Variants in GPHN observed in about 807,000 individuals in gnomAD.
GPHN encodes the protein gephyrin.
A neutral mutation model predicts 95.5 loss-of-function variants in GPHN; 17 were observed. That is an observed-to-expected ratio of 0.18 (90% CI 0.12 to 0.27). The LOEUF (loss-of-function observed/expected upper bound fraction) is 0.27. GPHN is among the 10% of genes least tolerant of loss of function. The pLI, the probability that GPHN is intolerant of heterozygous loss-of-function variation, is 1.00. For synonymous variants in GPHN, 320 were observed against 322.5 expected, an observed-to-expected ratio of 0.99 and a Z score of 0.08; for missense variants, 660 against 978.1, an observed-to-expected ratio of 0.67 and a Z score of 4.34.
chr14:66,714,064 A>G (rs1475241499), intron 2 of GPHN, among the ~76,000 whole-genome samples: 1 of 152,030 alleles, frequency 6.6e-6, no homozygotes, highest in African/African-American at 2.4e-5. Context: ...CCACCATGCC[A>G]GGCCCAGTAT....
chr14:67,264,449 G>T, the GPHN span, among the ~76,000 whole-genome samples: 1 of 146,652 alleles, frequency 6.8e-6, no homozygotes, highest in Non-Finnish European at 1.5e-5. Flanking sequence ...TCATTGGCCA[G>T]ACCCATGTTG....
chr14:67,320,105 C>G, the GPHN span: 1 of 708,610 alleles, frequency 1.4e-6, no homozygotes, highest in Non-Finnish European at 2.2e-6. Context: ...TCATGATACC[C>G]TAGCAAGGAT....
rs993049335 is a variant in GPHN at position 66,546,291 on chromosome 14, G to A, written c.64+37700G>A. 3.7e-3 allele frequency among the ~76,000 whole-genome samples: 555 copies of A among 151,720 alleles called. 12 individuals are homozygous for A. Among genetic ancestry groups the A allele is most frequent in the African/African-American group, 0.013 (527 of 41,370 alleles). On this transcript the variant is annotated intron_variant, in intron 1 of 22. Coordinates refer to ENST00000478722, the MANE Select transcript of GPHN (RefSeq NM_020806.5). ...AGACGCTCCTCACTTTCCAGACTGG[G>A]CAGCCAGGCAGAGGGGCTCCTCACG... is the stretch of plus-strand genomic sequence containing the variant.
At chr14:67,605,610 C>T in the GPHN span, among the ~76,000 whole-genome samples, 1 of 152,124 alleles carries the variant, frequency 6.6e-6, no homozygotes, top group Admixed American at 6.5e-5. Context: ...ATAATCCTGC[C>T]ACCTAAGTAT....
At chr14:66,536,595 G>A (rs1369261349) in intron 1 of GPHN, among the ~76,000 whole-genome samples, 2 of 151,994 alleles carry the variant, frequency 1.3e-5, no homozygotes, top group African/African-American at 2.4e-5. Flanking sequence ...GTCTCTCTCT[G>A]TTTTATTTCA....
chr14:66,953,203 G>A (rs1022687163), intron 8 of GPHN, among the ~76,000 whole-genome samples: 1 of 119,560 alleles, frequency 8.4e-6, no homozygotes, highest in Admixed American at 9.3e-5. Flanking sequence ...AGTTGTTAGA[G>A]TTCTTTACAT....
the GPHN span, chr14:67,388,200 G>C: frequency 6.6e-7 from 1 of 1,526,674 alleles, no homozygotes; most frequent in Non-Finnish European, 9.1e-7. Context: ...AGATCTTCAG[G>C]CCAGGGCTGA....
chr14:66,536,809 A>G (rs981062886), intron 1 of GPHN, among the ~76,000 whole-genome samples: 4 of 152,118 alleles, frequency 2.6e-5, no homozygotes, highest in African/African-American at 9.7e-5. Context: ...CAAATGACTG[A>G]TTTCTTTTTT....
intron 13 of GPHN, among the ~76,000 whole-genome samples, chr14:67,103,891 G>A (rs964693105): frequency 6.6e-6 from 1 of 152,082 alleles, no homozygotes; most frequent in African/African-American, 2.4e-5. Flanking sequence ...TTCTGGCTGG[G>A]ACTTCCAGTA....
intron 6 of GPHN, among the ~76,000 whole-genome samples, chr14:66,920,774 A>G (rs1468838795): frequency 6.6e-6 from 1 of 151,696 alleles, no homozygotes; most frequent in African/African-American, 2.4e-5. Flanking sequence ...ATAAGTCCCC[A>G]AAGTTCATTG....
intron 10 of GPHN, among the ~76,000 whole-genome samples, chr14:67,039,154 G>A (rs1401137772): frequency 6.6e-6 from 1 of 152,126 alleles, no homozygotes; most frequent in African/African-American, 2.4e-5. Flanking sequence ...GAATTGACCA[G>A]CCTTATACCT....
the GPHN span, chr14:67,446,189 C>T: frequency 2.4e-5 from 9 of 381,196 alleles, no homozygotes; most frequent in Admixed American, 3.6e-5. Context: ...GGGCAAATTG[C>T]TCCCCTCTTG....
the GPHN span, among the ~76,000 whole-genome samples, chr14:67,401,574 G>A: frequency 2.3e-3 from 353 of 152,140 alleles, no homozygotes; most frequent in Non-Finnish European, 4.0e-3. Flanking sequence ...CTCACACAGA[G>A]GAAAGACCAC....
chr14:67,702,851 T>C, the GPHN span, among the ~76,000 whole-genome samples: 3 of 152,206 alleles, frequency 2.0e-5, no homozygotes, highest in Admixed American at 2.0e-4. Context: ...CCTCACTCTG[T>C]TGCCCAGGGT....
At chr14:66,621,669 G>T (rs193166782) in intron 1 of GPHN, among the ~76,000 whole-genome samples, 13 of 151,106 alleles carry the variant, frequency 8.6e-5, no homozygotes, top group Admixed American at 8.5e-4. Context: ...GTGATCCACC[G>T]CCTCGGCCTC....
the GPHN span, chr14:67,395,685 T>A: frequency 1.2e-6 from 1 of 846,410 alleles, no homozygotes; most frequent in South Asian, 1.6e-5. Context: ...TGACAGTGAC[T>A]GCCAAATGCC....
chr14:67,541,946 CG>C, the GPHN span: 1 of 1,607,138 alleles, frequency 6.2e-7, no homozygotes, highest in Non-Finnish European at 8.5e-7. Flanking sequence ...TCAGCTTTTC[CG>C]GTTCCGCCTA....
At chr14:66,819,311 G>A (rs1012449195) in intron 3 of GPHN, among the ~76,000 whole-genome samples, 1 of 152,138 alleles carries the variant, frequency 6.6e-6, no homozygotes, top group East Asian at 1.9e-4. Flanking sequence ...CATATGGCTA[G>A]CCAGTTCTCC....
the GPHN span, chr14:67,647,133 C>A: frequency 9.4e-6 from 7 of 746,666 alleles, no homozygotes; most frequent in South Asian, 1.1e-4. Flanking sequence ...CAAAAACATA[C>A]ACATAATTTT....
Sources: gnomAD v4.1 joint callset for allele counts (sites outside exome capture counted in the v4.1 genomes callset) on GRCh38, gnomAD v4.1.1 for gene constraint, MANE v1.5 for transcripts, NCBI Gene and HGNC (gene_info 2026-07-23, HGNC 2026-07-21) for gene names.